The following KATNBL1 variants were observed in gnomAD, a reference collection of about 807,000 sequenced individuals.
The protein encoded by KATNBL1 is katanin regulatory subunit B1 like 1.
KATNBL1 carries 28 observed loss-of-function variants against 44.7 expected under a neutral mutation model. That is an observed-to-expected ratio of 0.63 (90% CI 0.46 to 0.86). The LOEUF (loss-of-function observed/expected upper bound fraction) is 0.86. KATNBL1 is among the 40% of genes least tolerant of loss of function. The pLI, the probability that KATNBL1 is intolerant of heterozygous loss-of-function variation, is 0.00. For missense variants in KATNBL1, 272 were observed against 350.7 expected, an observed-to-expected ratio of 0.78 and a Z score of 1.79; for synonymous variants, 78 against 114.9, an observed-to-expected ratio of 0.68 and a Z score of 2.06.
chr15:34,198,912 T>C (rs112643491), intron 1 of KATNBL1, among the ~76,000 whole-genome samples: 5 of 152,318 alleles, frequency 3.3e-5, no homozygotes, highest in East Asian at 1.9e-4. Context: ...ACCTTGCTAG[T>C]TTTGTTTTGC....
At chr15:34,193,466 G>A (rs575887043) in intron 1 of KATNBL1, among the ~76,000 whole-genome samples, 26 of 151,854 alleles carry the variant, frequency 1.7e-4, no homozygotes, top group Non-Finnish European at 3.4e-4. Flanking sequence ...CCTGGGATGC[G>A]GAGGTTGCAG....
rs184533753 is a variant in KATNBL1 at position 34,156,322 on chromosome 15, C to T, written c.118-1638G>A. Reference sequence around the variant, plus strand: ...GATATAGCAGAGAAAGAGCTTGGCACGACTTGTTACCCCAGGCTGTGGAAT... The same window carrying T: ...GATATAGCAGAGAAAGAGCTTGGCATGACTTGTTACCCCAGGCTGTGGAAT... On this transcript the variant is annotated intron_variant, in intron 2 of 9. Coordinates refer to ENST00000256544, the MANE Select transcript of KATNBL1 (RefSeq NM_024713.3). Among the ~76,000 whole-genome samples, 8 of 152,266 alleles carry T rather than the reference C, an allele frequency of 5.3e-5. No individual in the cohort carries two copies. In the South Asian group the frequency reaches 1.2e-3, roughly 24 times the overall value.
intron 1 of KATNBL1, among the ~76,000 whole-genome samples, chr15:34,194,653 T>TA (rs1889983630): frequency 6.6e-6 from 1 of 152,000 alleles, no homozygotes; most frequent in Non-Finnish European, 1.5e-5. Flanking sequence ...AGCCTCTGCA[T>TA]AACCAAAGAA....
chr15:34,182,246 T>C (rs1336629730), intron 1 of KATNBL1, among the ~76,000 whole-genome samples: 1 of 152,134 alleles, frequency 6.6e-6, no homozygotes, highest in Non-Finnish European at 1.5e-5. Context: ...TCATGATTTT[T>C]GGCAGATCAT....
At position 34,163,542 on chromosome 15, in the gene KATNBL1, T is replaced by C. The variant is rs773561494; in HGVS notation, c.117+18A>G. On this transcript the variant is annotated intron_variant, in intron 2 of 9. Transcript: ENST00000256544. ...CGTTTAAATTGTCTTATCTGTTTTC[T>C]AGAAACCATAGACTTACCTCCTTCA... 1 of 1,581,794 alleles carries C rather than the reference T, an allele frequency of 6.3e-7. No homozygotes were observed. Among genetic ancestry groups the C allele is most frequent in the African/African-American group, 1.4e-5 (1 of 72,576 alleles).
At chr15:34,205,576 A>G (rs1454107385) in intron 1 of KATNBL1, among the ~76,000 whole-genome samples, 1 of 152,190 alleles carries the variant, frequency 6.6e-6, no homozygotes, top group African/African-American at 2.4e-5. Flanking sequence ...AAGGCGATTA[A>G]GTGAACAATA....
At chr15:34,170,775 A>G (rs1889134476) in intron 1 of KATNBL1, among the ~76,000 whole-genome samples, 1 of 152,242 alleles carries the variant, frequency 6.6e-6, no homozygotes, top group Non-Finnish European at 1.5e-5. Flanking sequence ...GACCTCAGAA[A>G]TAACACCACA....
At position 34,143,055 on chromosome 15, in the gene KATNBL1, G is replaced by A. The variant is rs1040952117; in HGVS notation, c.883-684C>T. ...CTCAAAAAATTACAAATTAATTGAT[G>A]GTTTAATTTTGTAAGAAAGTCTCAT... On this transcript the variant is annotated intron_variant, in intron 9 of 9. Coordinates refer to ENST00000256544, the MANE Select transcript of KATNBL1 (RefSeq NM_024713.3). 29 of 1,245,278 alleles carry A rather than the reference G, an allele frequency of 2.3e-5. No individual in the cohort carries two copies. The African/African-American group carries it at 4.0e-4, about 17-fold the overall frequency. The allele number at this position is 1,245,278 out of a possible 1,614,324, so 77.1% of individuals were successfully genotyped here. A position where few individuals can be genotyped will look rare whatever the true frequency, so the allele number is the denominator to read the frequency against.
chr15:34,201,258 CTA>C (rs1348482126), intron 1 of KATNBL1, among the ~76,000 whole-genome samples: 2 of 152,198 alleles, frequency 1.3e-5, no homozygotes, highest in Non-Finnish European at 2.9e-5. Context: ...AAAAACATAA[CTA>C]TGCCTTATAC....
chr15:34,170,642 C>T (rs890358272), intron 1 of KATNBL1, among the ~76,000 whole-genome samples: 42 of 152,232 alleles, frequency 2.8e-4, no homozygotes, highest in African/African-American at 9.6e-4. Flanking sequence ...CAATCCTAAG[C>T]AAAAAGAACA....
chr15:34,154,901 A>G (rs752746487), intron 2 of KATNBL1: 5 of 546,098 alleles, frequency 9.2e-6, no homozygotes, highest in Non-Finnish European at 1.6e-5. Flanking sequence ...TCATTCCCCT[A>G]TTGGCTAGGG....
At chr15:34,202,113 T>C (rs1567540472) in intron 1 of KATNBL1, among the ~76,000 whole-genome samples, 1 of 152,212 alleles carries the variant, frequency 6.6e-6, no homozygotes. Flanking sequence ...AATGTATACA[T>C]ACATAAAACA....
chr15:34,181,381 A>G lies in KATNBL1; in HGVS notation c.-14-17691T>C, dbSNP rs184185597. Among the ~76,000 whole-genome samples, 591 of 151,994 alleles carry G rather than the reference A, an allele frequency of 3.9e-3. 2 individuals carry two copies. The highest frequency in any genetic ancestry group is 8.9e-3 in the Admixed American group (136 of 15,214). ...GGAACTGATTTGCTACACCAAGACT[A>G]AACTATTTATCTAAATATCGAAGAC... On this transcript the variant is annotated intron_variant, in intron 1 of 9. Transcript: ENST00000256544.
chr15:34,174,941 C>T (rs1296510332), intron 1 of KATNBL1, among the ~76,000 whole-genome samples: 1 of 149,630 alleles, frequency 6.7e-6, no homozygotes, highest in Non-Finnish European at 1.5e-5. Flanking sequence ...TGCGACTGGC[C>T]ACAAATATTA....
intron 1 of KATNBL1, among the ~76,000 whole-genome samples, chr15:34,180,990 T>G (rs1889500659): frequency 6.6e-6 from 1 of 152,328 alleles, no homozygotes; most frequent in South Asian, 2.1e-4. Flanking sequence ...CTGTCAGAAC[T>G]ATAGCCCCAT....
intron 1 of KATNBL1, among the ~76,000 whole-genome samples, chr15:34,172,296 G>A (rs750703656): frequency 8.7e-4 from 90 of 103,582 alleles, no homozygotes; most frequent in Non-Finnish European, 1.2e-3. Context: ...TCACTCTATT[G>A]CCCAGGCTGA....
Position 34,148,704 on chromosome 15 carries a change from T to C in KATNBL1, c.485A>G (p.Asn162Ser), listed in dbSNP as rs1206778330. ...ETMAQVLFSR[N>S]MRLNVALTFW... ...AGTTAAAGCTACATTCAATCTCATA[T>C]TCCTGCTGAACAAAACTTGGGCCAT... is the stretch of plus-strand genomic sequence containing the variant. Residue 162 changes from asparagine (N) to serine (S), a missense_variant, in exon 5 of 10, where the codon AAT becomes AGT. Coordinates refer to ENST00000256544, the MANE Select transcript of KATNBL1 (RefSeq NM_024713.3). The C allele has an allele frequency of 4.3e-6, 7 of 1,612,832 alleles. No homozygotes were observed. Among genetic ancestry groups the C allele is most frequent in the African/African-American group, 1.3e-5 (1 of 74,912 alleles).
intron 1 of KATNBL1, among the ~76,000 whole-genome samples, chr15:34,196,571 T>C (rs1453266421): frequency 4.0e-5 from 6 of 151,882 alleles, no homozygotes; most frequent in Non-Finnish European, 7.4e-5. Flanking sequence ...CTATTAAAAA[T>C]ACGAAAACCT....
Position 34,146,789 on chromosome 15 carries a change from A to G in KATNBL1, c.760T>C (p.Ser254Pro), listed in dbSNP as rs751179335. 6.2e-7 allele frequency: 1 copy of G among 1,605,262 alleles called. No individual in the cohort carries two copies. Among genetic ancestry groups the G allele is most frequent in the Non-Finnish European group, 8.5e-7 (1 of 1,171,984 alleles). Residue 254 changes from serine (S) to proline (P), a missense_variant, in exon 8 of 10, where the codon TCA becomes CCA. Physicochemically the swap from Ser to Pro is moderately conservative, Grantham distance 74 (BLOSUM62 -1). Transcript: ENST00000256544. ...TCATTTATAATTTCTGTTTTGGATG[A>G]TAGTTCTGACCACCACCTTTTAATG... ...AVIKRWWSEL[S>P]SKTEIINDGN...
Sources: allele counts gnomAD v4.1 joint callset (sites outside exome capture counted in the v4.1 genomes callset), GRCh38; gene constraint gnomAD v4.1.1; transcripts MANE v1.5; gene names NCBI Gene and HGNC (gene_info 2026-07-23, HGNC 2026-07-21).